PCDH1: variants seen among roughly 807,000 people sequenced by gnomAD.
PCDH1 encodes protocadherin 1.
A neutral mutation model predicts 74.6 loss-of-function variants in PCDH1; 23 were observed. That is an observed-to-expected ratio of 0.31 (90% CI 0.22 to 0.44). The LOEUF (loss-of-function observed/expected upper bound fraction) is 0.44, where lower values mean the gene tolerates loss of function less well. PCDH1 is among the 20% of genes least tolerant of loss of function. The pLI, the probability that PCDH1 is intolerant of heterozygous loss-of-function variation, is 1.00. For synonymous variants in PCDH1, 647 were observed against 686.1 expected, an observed-to-expected ratio of 0.94 and a Z score of 0.89; for missense variants, 1,214 against 1,641.4, an observed-to-expected ratio of 0.74 and a Z score of 4.50.
rs993873747 is a variant in PCDH1 at position 141,863,856 on chromosome 5, G to C, written c.2475C>G (p.Leu825=). 3 of 1,614,184 alleles carry C rather than the reference G, an allele frequency of 1.9e-6. No homozygotes were observed. The change falls in exon 3 of 5, where the codon CTC becomes CTG. Residue 825 remains leucine (L), a synonymous_variant. Coordinates refer to ENST00000287008, the MANE Select transcript of PCDH1 (RefSeq NM_032420.5). The surrounding 1 kb of genome is among the most constrained non-coding windows in gnomAD (Gnocchi z 7.5). ...GCGGCGTGTCCAGGCTGTGGCCCAGGAGGGTCTCCAGCAGCGTGCGGTTGG... is the reference window on the plus strand; with the variant it reads ...GCGGCGTGTCCAGGCTGTGGCCCAGCAGGGTCTCCAGCAGCGTGCGGTTGG... ...TLANRTLLET[L]LGHSLDTPLD...
At chr5:141,877,772 C>G (rs751963081) in intron 1 of PCDH1, among the ~76,000 whole-genome samples, 2 of 152,174 alleles carry the variant, frequency 1.3e-5, no homozygotes, top group Non-Finnish European at 2.9e-5. Flanking sequence ...CCGCGAGAAG[C>G]TGGAAGCGGC....
Position 141,874,019 on chromosome 5 carries a change from C to T in PCDH1, c.40+4204G>A, listed in dbSNP as rs574118253. Among the ~76,000 whole-genome samples the T allele has an allele frequency of 5.3e-5, 8 of 152,346 alleles. No individual in the cohort carries two copies. The South Asian group carries it at 1.7e-3, about 32-fold the overall frequency. On this transcript the variant is annotated intron_variant, in intron 1 of 4. Coordinates refer to ENST00000287008, the MANE Select transcript of PCDH1 (RefSeq NM_032420.5). Reference sequence around the variant, plus strand: ...GACTTGAGAAACAAGAATGCCTCTTCACATCCCAGAGTCTGGGGGAAAGAA... The same window carrying T: ...GACTTGAGAAACAAGAATGCCTCTTTACATCCCAGAGTCTGGGGGAAAGAA...
In PCDH1 at chr5:141,875,195, AT is replaced by A. The variant is rs914216516; in HGVS notation, c.40+3027del. Among the ~76,000 whole-genome samples the A allele has an allele frequency of 1.8e-4, 27 of 151,468 alleles. No homozygotes were observed. In the East Asian group the frequency reaches 2.3e-3, roughly 13 times the overall value. ...TTACATTACATGTAAAGGACAAATC[AT>A]TTTTTTTTCTAAGTCTTCTAATTGC... On this transcript the variant is annotated intron_variant, in intron 1 of 4. Coordinates refer to ENST00000287008, the MANE Select transcript of PCDH1 (RefSeq NM_032420.5).
chr5:141,867,615 C>CA, intron 2 of PCDH1: 1 of 434,560 alleles, frequency 2.3e-6, no homozygotes, highest in Admixed American at 2.7e-5. Context: ...CCACCAGGCT[C>CA]TAAAAAAAAA....
At chr5:141,861,052 T>C (rs566653655) in intron 3 of PCDH1, among the ~76,000 whole-genome samples, 10 of 140,244 alleles carry the variant, frequency 7.1e-5, no homozygotes, top group Non-Finnish European at 1.2e-4. Context: ...GAGGCAGAGG[T>C]TGCAGTGAGC....
chr5:141,862,509 G>T (rs1752605866), intron 3 of PCDH1: 1 of 437,528 alleles, frequency 2.3e-6, no homozygotes, highest in Non-Finnish European at 3.0e-6. Flanking sequence ...GGCTAAGATA[G>T]TGTGGGGTAC....
At chr5:141,867,771 G>A (rs1752912879) in intron 2 of PCDH1, among the ~76,000 whole-genome samples, 1 of 152,218 alleles carries the variant, frequency 6.6e-6, no homozygotes, top group South Asian at 2.1e-4. Context: ...CAGCCCATGG[G>A]GAAGGGGAAA....
In PCDH1 at chr5:141,873,613, A is replaced by ATT. The variant is rs34468568; in HGVS notation, c.41-4184_41-4183dup. ...AGGCGCCCGCCACCATGCCCAGCTAATTTTTTTTTTTTTTTTTTGTATTTT... is the reference window on the plus strand; with the variant it reads ...AGGCGCCCGCCACCATGCCCAGCTAATTTTTTTTTTTTTTTTTTTTGTATTTT... On this transcript the variant is annotated intron_variant, in intron 1 of 4. Coordinates refer to ENST00000287008, the MANE Select transcript of PCDH1 (RefSeq NM_032420.5). Among the ~76,000 whole-genome samples, 648 of 122,520 alleles carry ATT rather than the reference A, an allele frequency of 5.3e-3. 2 individuals are homozygous for ATT. Among genetic ancestry groups the ATT allele is most frequent in the Non-Finnish European group, 6.9e-3 (402 of 58,384 alleles). 80.4% of individuals were successfully genotyped at this position (122,520 alleles called of 152,430 possible). A position where few individuals can be genotyped will look rare whatever the true frequency, so the allele number is the denominator to read the frequency against.
At chr5:141,858,284 A>C (rs951718317) in intron 3 of PCDH1, among the ~76,000 whole-genome samples, 2 of 152,196 alleles carry the variant, frequency 1.3e-5, no homozygotes, top group African/African-American at 2.4e-5. Context: ...ACCTGGGGGA[A>C]GGGGACAAAG....
At chr5:141,861,438 C>T (rs180973857) in intron 3 of PCDH1, among the ~76,000 whole-genome samples, 4 of 152,128 alleles carry the variant, frequency 2.6e-5, no homozygotes, top group Admixed American at 2.0e-4. Flanking sequence ...GAGTAAGAGA[C>T]AATCCCTCAG....
chr5:141,853,924 C>G lies in PCDH1; in HGVS notation c.*118G>C, dbSNP rs984259080. On this transcript the variant is annotated 3_prime_UTR_variant, in exon 5 of 5. Transcript: ENST00000287008. Reference sequence around the variant, plus strand: ...GTGGTCATGAGGTCAGTGATACCCCCACTTGGGGCCCTGGCCAGGAAGTCC... The same window carrying G: ...GTGGTCATGAGGTCAGTGATACCCCGACTTGGGGCCCTGGCCAGGAAGTCC... 1 of 910,330 alleles carries G rather than the reference C, an allele frequency of 1.1e-6. No individual in the cohort carries two copies. Among genetic ancestry groups the G allele is most frequent in the Non-Finnish European group, 1.6e-6 (1 of 630,744 alleles). 56.4% of individuals were successfully genotyped at this position (910,330 alleles called of 1,614,324 possible). A position where few individuals can be genotyped will look rare whatever the true frequency, so the allele number is the denominator to read the frequency against.
At chr5:141,857,107 G>A (rs1339690094) in intron 4 of PCDH1, 145 bp downstream of exon 4, 1 of 613,336 alleles carries the variant, frequency 1.6e-6, no homozygotes. Flanking sequence ...GGGATTAAAT[G>A]CGTGTATACC....
At position 141,865,832 on chromosome 5, in the gene PCDH1, C is replaced by G. The variant is rs907794192; in HGVS notation, c.904-405G>C. 6.6e-6 allele frequency among the ~76,000 whole-genome samples: 1 copy of G among 152,188 alleles called. No individual in the cohort carries two copies. The highest frequency in any genetic ancestry group is 1.5e-5 in the Non-Finnish European group (1 of 68,036). ...ACCCTCCTGAAGAGATGGAGAGGTG[C>G]GAGTAGTAGAGGCGGTGTGTGTGCC... On this transcript the variant is annotated intron_variant, in intron 2 of 4. Coordinates refer to ENST00000287008, the MANE Select transcript of PCDH1 (RefSeq NM_032420.5). This position sits in a 1 kb window ranked among gnomAD's most constrained non-coding sequence, Gnocchi z 4.4.
In PCDH1 at chr5:141,853,758, A is replaced by C; in HGVS notation, c.*284T>G. On this transcript the variant is annotated 3_prime_UTR_variant, in exon 5 of 5. Transcript: ENST00000287008. ...ATCGAGGGGGTGCTCCCTGGAAGTC[A>C]AGGGAAGGAGCCCAGTCATTGCAGA... The C allele has an allele frequency of 5.9e-6, 2 of 338,838 alleles. No homozygotes were observed. Among genetic ancestry groups the C allele is most frequent in the Non-Finnish European group, 1.1e-5 (2 of 186,554 alleles). The allele number at this position is 338,838 out of a possible 1,614,324, so 21.0% of individuals were successfully genotyped here.
rs745723288 is a variant in PCDH1, at chr5:141,854,447, G to A, written c.3320-11C>T. ...GCAAAGGGCGAAGGTCTGTAGGAGG[G>A]AGCGGGGAAGGACAATTGTCAGACA... On this transcript the variant is annotated splice_polypyrimidine_tract_variant and intron_variant, in intron 4 of 4. Transcript: ENST00000287008. The A allele has an allele frequency of 3.8e-6, 6 of 1,588,038 alleles. No individual in the cohort carries two copies. The highest frequency in any genetic ancestry group is 3.4e-5 in the Admixed American group (2 of 58,400).
rs1481354804 is a variant in PCDH1, at chr5:141,864,065, T to A, written c.2266A>T (p.Ile756Phe). Residue 756 changes from isoleucine to phenylalanine, a missense_variant, in exon 3 of 5, where the codon ATT becomes TTT. By Grantham distance (21) the Ile-to-Phe change is conservative (BLOSUM62 0). Transcript: ENST00000287008. This position sits in a 1 kb window ranked among gnomAD's most constrained non-coding sequence, Gnocchi z 5.9. ...AGTCCATAAGGGTTGCCACCTGCAA[T>A]GCTGTAGATCAGCTCAGCATTGACA... ...SGVNAELIYSIAGGNPYGLFQ... is the reference protein window; with the variant it reads ...SGVNAELIYSFAGGNPYGLFQ... 1 of 1,613,820 alleles carries A rather than the reference T, an allele frequency of 6.2e-7. No individual in the cohort carries two copies. Among genetic ancestry groups the A allele is most frequent in the African/African-American group, 1.3e-5 (1 of 75,034 alleles).
At chr5:141,856,189 C>T in intron 4 of PCDH1, 1 of 1,534,124 alleles carries the variant, frequency 6.5e-7, no homozygotes, top group Non-Finnish European at 8.7e-7. Context: ...GGCAGAGTCC[C>T]ACAGACCCCA....
intron 3 of PCDH1, chr5:141,862,930 C>A (rs1752623689): frequency 8.1e-7 from 1 of 1,233,110 alleles, no homozygotes; most frequent in Non-Finnish European, 1.0e-6. Flanking sequence ...CCTACCACCC[C>A]CAACCCATAA....
At chr5:141,859,223 C>CT (rs1752477225) in intron 3 of PCDH1, among the ~76,000 whole-genome samples, 1 of 152,152 alleles carries the variant, frequency 6.6e-6, no homozygotes, top group Non-Finnish European at 1.5e-5. Flanking sequence ...TGGTGCTTCT[C>CT]TTTCCAGTTT....
Sources: gnomAD v4.1 joint callset for allele counts (sites outside exome capture counted in the v4.1 genomes callset) on GRCh38, gnomAD v4.1.1 for gene constraint, Gnocchi (gnomAD v3.1) non-coding constraint, MANE v1.5 for transcripts, NCBI Gene and HGNC (gene_info 2026-07-23, HGNC 2026-07-21) for gene names.